SNTG1: variants seen among roughly 807,000 people sequenced by gnomAD.
SNTG1 encodes the protein syntrophin gamma 1.
Under a neutral mutation model 74.7 loss-of-function variants are expected in SNTG1, and 39 were observed. That is an observed-to-expected ratio of 0.52 (90% confidence interval 0.40 to 0.68). SNTG1 has a LOEUF of 0.68. SNTG1 is among the 30% of genes least tolerant of loss of function. SNTG1 has a pLI of 0.00. For missense variants in SNTG1, 685 were observed against 609.5 expected, an observed-to-expected ratio of 1.12 and a Z score of -1.30; for synonymous variants, 254 against 217.1, an observed-to-expected ratio of 1.17 and a Z score of -1.49.
At chr8:49,962,985 C>T (rs1161829006) in intron 1 of SNTG1, among the ~76,000 whole-genome samples, 3 of 152,190 alleles carry the variant, frequency 2.0e-5, no homozygotes, top group African/African-American at 4.8e-5. Context: ...GGATCCACGA[C>T]TCCTGAGTAG....
intron 13 of SNTG1, among the ~76,000 whole-genome samples, chr8:50,618,741 G>C (rs533998172): frequency 6.6e-6 from 1 of 152,294 alleles, no homozygotes; most frequent in African/African-American, 2.4e-5. Flanking sequence ...CTGGTTGTCA[G>C]TTGGAGACCT....
chr8:50,172,129 C>T (rs1411510578), intron 1 of SNTG1, among the ~76,000 whole-genome samples: 4 of 152,134 alleles, frequency 2.6e-5, no homozygotes, highest in African/African-American at 9.7e-5. Context: ...ACAGCTAAGT[C>T]TCATAAAAAA....
chr8:50,795,876 A>T lies in SNTG1; in HGVS notation c.*3047A>T, dbSNP rs1802787999. ...ATCTGAACACTTATCCAGCTTTTTT[A>T]AAATGGGAGGATAATCAGGTAATTA... On this transcript the variant is annotated 3_prime_UTR_variant, in exon 19 of 19. Coordinates refer to ENST00000642720, the MANE Select transcript of SNTG1 (RefSeq NM_018967.5). The T allele has an allele frequency of 6.6e-6, 1 of 152,086 alleles. No individual in the cohort carries two copies. 9.4% of individuals were successfully genotyped at this position (152,086 alleles called of 1,614,324 possible).
chr8:50,055,768 C>A (rs936031994), intron 1 of SNTG1, among the ~76,000 whole-genome samples: 3 of 152,092 alleles, frequency 2.0e-5, no homozygotes, highest in Admixed American at 6.6e-5. Context: ...ATAACCCATT[C>A]TTTTTTTCTC....
intron 1 of SNTG1, among the ~76,000 whole-genome samples, chr8:49,972,609 C>A (rs1339346131): frequency 6.6e-6 from 1 of 151,708 alleles, no homozygotes; most frequent in Non-Finnish European, 1.5e-5. Flanking sequence ...ATTTTTGCAA[C>A]CTACTCATCT....
At chr8:50,644,887 T>C (rs1173631723) in intron 13 of SNTG1, among the ~76,000 whole-genome samples, 1 of 151,708 alleles carries the variant, frequency 6.6e-6, no homozygotes, top group East Asian at 1.9e-4. Context: ...TGGACTGTTG[T>C]GGCCTAAAGA....
intron 8 of SNTG1, among the ~76,000 whole-genome samples, chr8:50,482,527 C>T (rs1432628453): frequency 6.6e-6 from 1 of 152,178 alleles, no homozygotes; most frequent in Non-Finnish European, 1.5e-5. Context: ...CCAATGAGCA[C>T]TCATTCCTCT....
chr8:50,515,700 G>T (rs539476317), intron 9 of SNTG1, among the ~76,000 whole-genome samples: 4 of 152,146 alleles, frequency 2.6e-5, no homozygotes, highest in African/African-American at 9.6e-5. Context: ...CTTCTAACAG[G>T]GTAGAGTGCA....
chr8:50,585,213 A>C (rs1048363632), intron 12 of SNTG1, among the ~76,000 whole-genome samples: 1 of 151,966 alleles, frequency 6.6e-6, no homozygotes, highest in East Asian at 1.9e-4. Flanking sequence ...CGTGGCCTTC[A>C]TTTATCTGAA....
rs116492824 is a variant in SNTG1, at chr8:50,789,844, A to G, written c.1396-2827A>G. On this transcript the variant is annotated intron_variant, in intron 18 of 18. Coordinates refer to ENST00000642720, the MANE Select transcript of SNTG1 (RefSeq NM_018967.5). ...CATGGTTTCCCATGTCGCTCATAGT[A>G]AAACTCATAAAGGCTCATGCAGCAT... 8.8e-3 allele frequency among the ~76,000 whole-genome samples: 1,334 copies of G among 152,082 alleles called. 26 individuals carry two copies. The highest frequency in any genetic ancestry group is 0.03 in the African/African-American group (1,233 of 41,538).
intron 2 of SNTG1, among the ~76,000 whole-genome samples, chr8:50,192,505 G>T (rs967603156): frequency 6.6e-6 from 1 of 151,954 alleles, no homozygotes; most frequent in Non-Finnish European, 1.5e-5. Flanking sequence ...TGATGGGATT[G>T]TTTGTTTTAC....
At chr8:50,745,460 A>G (rs2095553070) in intron 17 of SNTG1, among the ~76,000 whole-genome samples, 1 of 152,038 alleles carries the variant, frequency 6.6e-6, no homozygotes. Context: ...CATTGCTGGT[A>G]TAATTATAAA....
At chr8:50,250,004 A>T (rs2129866772) in intron 2 of SNTG1, among the ~76,000 whole-genome samples, 1 of 152,254 alleles carries the variant, frequency 6.6e-6, no homozygotes, top group East Asian at 1.9e-4. Context: ...TGCTTGAAAA[A>T]GAATTACTAA....
At chr8:49,974,561 G>C (rs1812012901) in intron 1 of SNTG1, among the ~76,000 whole-genome samples, 1 of 152,086 alleles carries the variant, frequency 6.6e-6, no homozygotes. Context: ...TGTCATAAGA[G>C]AGCCCTGGCC....
At position 49,924,865 on chromosome 8, in the gene SNTG1, A is replaced by C. The variant is rs550856734; in HGVS notation, c.-103+12634A>C. The stretch of plus-strand genomic sequence containing the variant: ...TTGAATTCCCTTCGTAGATGCAGCT[A>C]TTGGCCAGGTGTAGTGGCTAATACC... On this transcript the variant is annotated intron_variant, in intron 1 of 18. Coordinates refer to ENST00000642720, the MANE Select transcript of SNTG1 (RefSeq NM_018967.5). Among the ~76,000 whole-genome samples the C allele has an allele frequency of 6.4e-4, 97 of 152,110 alleles. 1 individual carries two copies. The highest frequency in any genetic ancestry group is 2.1e-3 in the African/African-American group (89 of 41,492).
chr8:50,329,142 G>A (rs2090863397), intron 2 of SNTG1, among the ~76,000 whole-genome samples: 1 of 152,136 alleles, frequency 6.6e-6, no homozygotes, highest in African/African-American at 2.4e-5. Context: ...CCACCCTGTG[G>A]CACTGCAGGG....
rs192657729 is a variant in SNTG1 at position 50,552,458 on chromosome 8, C to T, written c.681-592C>T. Among the ~76,000 whole-genome samples the T allele has an allele frequency of 1.5e-3, 223 of 152,218 alleles. 2 individuals carry two copies. Among genetic ancestry groups the T allele is most frequent in the Middle Eastern group, 0.01 (3 of 294 alleles). On this transcript the variant is annotated intron_variant, in intron 11 of 18. Transcript: ENST00000642720. ...TAATGTTAATGAAATTGGCAACATC[C>T]ATGCAAATGGAGAGCATGATCATTT...
intron 1 of SNTG1, among the ~76,000 whole-genome samples, chr8:50,132,674 T>C (rs535409364): frequency 3.3e-5 from 5 of 152,314 alleles, no homozygotes; most frequent in South Asian, 4.1e-4. Flanking sequence ...GTAGGTCCCA[T>C]TGGACAGTGA....
chr8:50,705,296 T>A (rs911566900), intron 16 of SNTG1, among the ~76,000 whole-genome samples: 2 of 151,834 alleles, frequency 1.3e-5, no homozygotes, highest in African/African-American at 4.9e-5. Flanking sequence ...TTCTTCTCAC[T>A]TTTGAACACA....
Sources: gnomAD v4.1 joint callset for allele counts (sites outside exome capture counted in the v4.1 genomes callset) on GRCh38, gnomAD v4.1.1 for gene constraint, MANE v1.5 for transcripts, NCBI Gene and HGNC (gene_info 2026-07-23, HGNC 2026-07-21) for gene names.